The following ERICH1 variants were observed in gnomAD, a reference collection of about 807,000 sequenced individuals.
The protein encoded by ERICH1 is glutamate rich 1.
ERICH1 carries 56 observed loss-of-function variants against 39.6 expected under a neutral mutation model. The observed-to-expected ratio is 1.41, with a 90% CI of 1.14 to 1.77. The LOEUF (loss-of-function observed/expected upper bound fraction) is 1.77. Ranked by LOEUF, ERICH1 falls within the 40% of genes most tolerant of loss-of-function variation. ERICH1 has a pLI of 0.00. For synonymous variants in ERICH1, 313 were observed against 223.6 expected, an observed-to-expected ratio of 1.40 and a Z score of -3.57; for missense variants, 826 against 575.4, an observed-to-expected ratio of 1.44 and a Z score of -4.45.
At chr8:638,315 C>A (rs1486631357) in intron 3 of ERICH1, among the ~76,000 whole-genome samples, 1 of 152,242 alleles carries the variant, frequency 6.6e-6, no homozygotes, top group Admixed American at 6.5e-5. Context: ...GGAAGCTCAG[C>A]ACCAGACAGC....
At chr8:715,367 T>A (rs1425811916) in intron 2 of ERICH1, among the ~76,000 whole-genome samples, 1 of 152,160 alleles carries the variant, frequency 6.6e-6, no homozygotes, top group Admixed American at 6.5e-5. Context: ...GGACCAGAGC[T>A]GATGGGACTC....
chr8:708,681 G>GTTTTTTTTTTGTTTTTTTTTTTTTTTT (rs1563319316), intron 2 of ERICH1, among the ~76,000 whole-genome samples: 11 of 65,778 alleles, frequency 1.7e-4, no homozygotes, highest in South Asian at 6.2e-4. Flanking sequence ...GGGATAATGA[G>GTTTTTTTTTTGTTTTTTTTTTTTTTTT]TTTTTTTTTT....
chr8:678,892 C>T (rs1309880807), intron 3 of ERICH1, among the ~76,000 whole-genome samples: 2 of 152,140 alleles, frequency 1.3e-5, no homozygotes, highest in Non-Finnish European at 1.5e-5. Flanking sequence ...ACTCCAACGT[C>T]CCTCACGGCT....
intron 3 of ERICH1, among the ~76,000 whole-genome samples, chr8:686,462 AAAAC>A (rs1390748300): frequency 4.6e-5 from 7 of 151,618 alleles, no homozygotes; most frequent in African/African-American, 1.7e-4. Flanking sequence ...AAAAAAAAAA[AAAAC>A]AAAAACAAAA....
rs56328841 is a variant in ERICH1, at chr8:630,351, G to A, written c.977-15067C>T. Among the ~76,000 whole-genome samples the A allele has an allele frequency of 2.6e-3, 115 of 43,642 alleles. 1 individual carries two copies. The highest frequency in any genetic ancestry group is 3.8e-3 in the South Asian group (5 of 1,310). The allele number at this position is 43,642 out of a possible 152,430, so 28.6% of individuals were successfully genotyped here. A position where few individuals can be genotyped will look rare whatever the true frequency, so the allele number is the denominator to read the frequency against. On this transcript the variant is annotated intron_variant, in intron 3 of 3. Coordinates refer to the ERICH1 transcript ENST00000522706. ...CACAACCTCCCGTGAGCACCCACAT[G>A]GACAGAGCTGACTCACACCCTCCTG...
chr8:691,628 T>G (rs1382098798), intron 3 of ERICH1, among the ~76,000 whole-genome samples: 3 of 152,270 alleles, frequency 2.0e-5, no homozygotes, highest in African/African-American at 7.2e-5. Context: ...AATAATTGTG[T>G]TTCAAAGATT....
intron 3 of ERICH1, among the ~76,000 whole-genome samples, chr8:683,123 C>A (rs336444): frequency 6.6e-6 from 1 of 152,128 alleles, no homozygotes. Flanking sequence ...GCGGACACTC[C>A]GGCCTGCTGA....
chr8:703,221 C>A (rs1016098446), intron 2 of ERICH1, among the ~76,000 whole-genome samples: 19 of 152,246 alleles, frequency 1.2e-4, no homozygotes, highest in African/African-American at 4.1e-4. Flanking sequence ...AATGGCACGT[C>A]AGTAAGATAC....
intron 3 of ERICH1, among the ~76,000 whole-genome samples, chr8:636,782 C>A (rs1388096275): frequency 6.6e-6 from 1 of 152,252 alleles, no homozygotes. Flanking sequence ...GACGTGCTCC[C>A]CTGAGGGGCC....
intron 2 of ERICH1, among the ~76,000 whole-genome samples, chr8:701,210 C>CCTA: frequency 6.6e-6 from 1 of 151,924 alleles, no homozygotes; most frequent in East Asian, 1.9e-4. Context: ...ACGGGTCTAC[C>CCTA]CTGCTGGACG....
In ERICH1 at chr8:626,326, T is replaced by C. The variant is rs959548112; in HGVS notation, c.977-11042A>G. On this transcript the variant is annotated intron_variant, in intron 3 of 3. Coordinates refer to the ERICH1 transcript ENST00000522706. ...CAACTATTGAGGACCTGGGAACTTA[T>C]GGCTTGAAAGGGAGTGACCGGGGGG... The C allele has an allele frequency of 5.3e-5, 8 of 152,180 alleles. No individual in the cohort carries two copies. The East Asian group carries it at 5.8e-4, about 11-fold the overall frequency. 9.4% of individuals were successfully genotyped at this position (152,180 alleles called of 1,614,324 possible). A position where few individuals can be genotyped will look rare whatever the true frequency, so the allele number is the denominator to read the frequency against.
chr8:713,511 G>C lies in ERICH1; in HGVS notation c.169+2350C>G, dbSNP rs77044962. ...GCTTAGTGTAACCCCGTATCTAGGA[G>C]ACGTGAAGGGAACTTTTTCCTTCTC... On this transcript the variant is annotated intron_variant, in intron 2 of 5. Coordinates refer to ENST00000262109, the MANE Select transcript of ERICH1 (RefSeq NM_207332.3). Among the ~76,000 whole-genome samples the C allele has an allele frequency of 2.6e-5, 4 of 152,288 alleles. No homozygotes were observed. In the East Asian group the frequency reaches 7.7e-4, roughly 29 times the overall value.
At chr8:702,215 C>T (rs181204503) in intron 2 of ERICH1, among the ~76,000 whole-genome samples, 25 of 152,064 alleles carry the variant, frequency 1.6e-4, no homozygotes, top group African/African-American at 5.5e-4. Context: ...GGCCAGGAGG[C>T]GTGAAAGGCT....
At chr8:703,799 C>A (rs1384225860) in intron 2 of ERICH1, among the ~76,000 whole-genome samples, 3 of 152,204 alleles carry the variant, frequency 2.0e-5, no homozygotes, top group African/African-American at 7.2e-5. Context: ...AAAAGGGGAT[C>A]TATTGGGAGA....
chr8:641,725 C>A (rs769041321), intron 3 of ERICH1, among the ~76,000 whole-genome samples: 1 of 152,190 alleles, frequency 6.6e-6, no homozygotes, highest in Non-Finnish European at 1.5e-5. Context: ...ACCCCTCCCC[C>A]TCCCCGCCGA....
At chr8:688,232 C>T (rs1296821598) in intron 3 of ERICH1, among the ~76,000 whole-genome samples, 1 of 125,468 alleles carries the variant, frequency 8.0e-6, no homozygotes, top group African/African-American at 2.9e-5. Context: ...TCCCGACGTT[C>T]TCGCAGAAAA....
At chr8:702,333 G>C (rs993541188) in intron 2 of ERICH1, among the ~76,000 whole-genome samples, 1 of 152,088 alleles carries the variant, frequency 6.6e-6, no homozygotes, top group Non-Finnish European at 1.5e-5. Flanking sequence ...GGAGAAACAA[G>C]AACGCCGGCG....
At chr8:677,617 G>GC (rs1452501902) in intron 3 of ERICH1, among the ~76,000 whole-genome samples, 1 of 152,188 alleles carries the variant, frequency 6.6e-6, no homozygotes, top group African/African-American at 2.4e-5. Context: ...CTCTGGGTCT[G>GC]CCCTGAACAC....
At chr8:715,156 C>T (rs1269997194) in intron 2 of ERICH1, among the ~76,000 whole-genome samples, 1 of 151,612 alleles carries the variant, frequency 6.6e-6, no homozygotes, top group Non-Finnish European at 1.5e-5. Flanking sequence ...GTGCTGCACC[C>T]AGGTGGCCTC....
Sources: allele counts gnomAD v4.1 joint callset (sites outside exome capture counted in the v4.1 genomes callset), GRCh38; gene constraint gnomAD v4.1.1; transcripts MANE v1.5; gene names NCBI Gene and HGNC (gene_info 2026-07-23, HGNC 2026-07-21).